ABHD13: variants seen among roughly 807,000 people sequenced by gnomAD.
ABHD13 encodes protein ABHD13.
In ABHD13, 7 loss-of-function variants were observed where a neutral mutation model predicts 25.2. The ratio of observed to expected loss-of-function variants is 0.28; its 90% CI spans 0.16 to 0.52. ABHD13 has a LOEUF of 0.52. ABHD13 is among the 20% of genes least tolerant of loss of function. The pLI is 0.96. For synonymous variants in ABHD13, 133 were observed against 136.1 expected (o/e 0.98, Z 0.16); for missense variants, 302 against 402.7 (o/e 0.75, Z 2.14).
chr13:108,227,553 G>A lies in ABHD13; in HGVS notation c.-20-1646G>A, dbSNP rs76794240. Among the ~76,000 whole-genome samples the A allele has an allele frequency of 1.4e-3, 214 of 152,030 alleles. 7 individuals are homozygous for A. In the East Asian group the frequency reaches 0.037, roughly 26 times the overall value. On this transcript the variant is annotated intron_variant, in intron 1 of 1. Transcript: ENST00000375898. The stretch of plus-strand genomic sequence containing the variant: ...TCAAATTTTAAAATATGCCTTATTC[G>A]TGTATTTGGAGCTATTTTATCTGGT...
chr13:108,223,411 A>G (rs748630555), intron 1 of ABHD13, among the ~76,000 whole-genome samples: 7 of 152,250 alleles, frequency 4.6e-5, no homozygotes, highest in Non-Finnish European at 1.0e-4. Context: ...ACATAGCACA[A>G]AATGCTTTAT....
At chr13:108,222,625 G>T (rs907949927) in intron 1 of ABHD13, among the ~76,000 whole-genome samples, 1 of 151,954 alleles carries the variant, frequency 6.6e-6, no homozygotes, top group African/African-American at 2.4e-5. Context: ...GATATTTATT[G>T]TGTTAGAAAT....
chr13:108,224,237 C>T (rs1421024043), intron 1 of ABHD13, among the ~76,000 whole-genome samples: 1 of 152,186 alleles, frequency 6.6e-6, no homozygotes, highest in Admixed American at 6.5e-5. Context: ...CCATATCTGT[C>T]TCCCGAGTAC....
chr13:108,221,453 G>C (rs1267020676), intron 1 of ABHD13, among the ~76,000 whole-genome samples: 1 of 152,192 alleles, frequency 6.6e-6, no homozygotes, highest in Non-Finnish European at 1.5e-5. Flanking sequence ...GATTCACCCA[G>C]AGTAATTAAT....
intron 1 of ABHD13, among the ~76,000 whole-genome samples, chr13:108,220,740 A>C (rs928651538): frequency 6.6e-6 from 1 of 152,208 alleles, no homozygotes; most frequent in African/African-American, 2.4e-5. Flanking sequence ...CTAGCCTGAG[A>C]ATCTAGATAC....
rs1025869038 is a variant in ABHD13, at chr13:108,218,482, G to C, written c.-198G>C. The C allele has an allele frequency of 7.9e-5, 12 of 152,264 alleles. No individual in the cohort carries two copies. Among genetic ancestry groups the C allele is most frequent in the African/African-American group, 2.9e-4 (12 of 41,452 alleles). The allele number at this position is 152,264 out of a possible 1,614,324, so 9.4% of individuals were successfully genotyped here. A position where few individuals can be genotyped will look rare whatever the true frequency, so the allele number is the denominator to read the frequency against. On this transcript the variant is annotated 5_prime_UTR_variant, in exon 1 of 2. Transcript: ENST00000375898. ...GCATTTGCCGGCGACACCCGAGCGG[G>C]GGCCGGAAGTGGGGCCACAGCTCGC...
At chr13:108,220,512 A>G (rs1054936012) in intron 1 of ABHD13, among the ~76,000 whole-genome samples, 2 of 152,250 alleles carry the variant, frequency 1.3e-5, no homozygotes, top group African/African-American at 4.8e-5. Flanking sequence ...GCCCCAGGAA[A>G]GTCTTAAGAC....
At chr13:108,220,760 G>C (rs1879551346) in intron 1 of ABHD13, among the ~76,000 whole-genome samples, 1 of 152,198 alleles carries the variant, frequency 6.6e-6, no homozygotes. Context: ...CTTCTAGTAA[G>C]GCTTCTAGTT....
At chr13:108,223,680 G>A (rs955564055) in intron 1 of ABHD13, among the ~76,000 whole-genome samples, 3 of 152,190 alleles carry the variant, frequency 2.0e-5, no homozygotes, top group African/African-American at 7.2e-5. Context: ...GTGTCAAACA[G>A]TGAAAAAAGT....
chr13:108,221,351 T>C (rs1223530583), intron 1 of ABHD13, among the ~76,000 whole-genome samples: 1 of 152,228 alleles, frequency 6.6e-6, no homozygotes, highest in Non-Finnish European at 1.5e-5. Flanking sequence ...CATGGTTTCT[T>C]AACTTCCCAA....
In ABHD13 at chr13:108,232,256, G is replaced by A. The variant is rs1202996832; in HGVS notation, c.*2024G>A. 1 of 166,650 alleles carries A rather than the reference G, an allele frequency of 6.0e-6. No homozygotes were observed. The highest frequency in any genetic ancestry group is 1.9e-4 in the East Asian group (1 of 5,182). The allele number at this position is 166,650 out of a possible 1,614,324, so 10.3% of individuals were successfully genotyped here. A position where few individuals can be genotyped will look rare whatever the true frequency, so the allele number is the denominator to read the frequency against. ...GCTGCTTTTTCTTTTTGATACTCCA[G>A]GTTTATAAACTATCTTTTAAAATTT... On this transcript the variant is annotated 3_prime_UTR_variant, in exon 2 of 2. Coordinates refer to ENST00000375898, the MANE Select transcript of ABHD13 (RefSeq NM_032859.3).
At chr13:108,218,829 C>T (rs1879460307) in intron 1 of ABHD13, among the ~76,000 whole-genome samples, 170 bp downstream of exon 1, 2 of 151,860 alleles carry the variant, frequency 1.3e-5, no homozygotes, top group Admixed American at 6.5e-5. Context: ...CGTGCGGGGG[C>T]CGAGCGCCGG....
intron 1 of ABHD13, among the ~76,000 whole-genome samples, 156 bp downstream of exon 1, chr13:108,218,815 G>C (rs1181872967): frequency 6.6e-6 from 1 of 151,176 alleles, no homozygotes; most frequent in Non-Finnish European, 1.5e-5. Flanking sequence ...CTTCCCCTGG[G>C]GGTCGTGCGG....
intron 1 of ABHD13, among the ~76,000 whole-genome samples, chr13:108,227,874 A>G (rs1879707768): frequency 6.6e-6 from 1 of 152,092 alleles, no homozygotes; most frequent in African/African-American, 2.4e-5. Flanking sequence ...TTTCTGGGAA[A>G]TCAGAAAAAT....
chr13:108,225,065 C>G (rs1196059265), intron 1 of ABHD13, among the ~76,000 whole-genome samples: 1 of 151,566 alleles, frequency 6.6e-6, no homozygotes, highest in Admixed American at 6.6e-5. Flanking sequence ...TTTTTTCATT[C>G]AAATACAAGA....
chr13:108,233,153 C>G lies in ABHD13; in HGVS notation c.*2921C>G, dbSNP rs996118738. 6.0e-6 allele frequency: 1 copy of G among 166,764 alleles called. No homozygotes were observed. Among genetic ancestry groups the G allele is most frequent in the Non-Finnish European group, 1.5e-5 (1 of 67,980 alleles). The allele number at this position is 166,764 out of a possible 1,614,324, so 10.3% of individuals were successfully genotyped here. On this transcript the variant is annotated 3_prime_UTR_variant, in exon 2 of 2. Transcript: ENST00000375898. ...TTAAATTTATGATTACCTGTAGACACTTGATATTTACATAGATTACAGCTT... is the reference window on the plus strand; with the variant it reads ...TTAAATTTATGATTACCTGTAGACAGTTGATATTTACATAGATTACAGCTT...
intron 1 of ABHD13, among the ~76,000 whole-genome samples, chr13:108,228,929 C>T (rs1464866189): frequency 6.7e-6 from 1 of 149,904 alleles, no homozygotes; most frequent in Non-Finnish European, 1.5e-5. Flanking sequence ...CGTGAGAACA[C>T]GTATATGAAG....
At chr13:108,222,044 T>C (rs1879580104) in intron 1 of ABHD13, among the ~76,000 whole-genome samples, 1 of 152,098 alleles carries the variant, frequency 6.6e-6, no homozygotes, top group African/African-American at 2.4e-5. Context: ...TTTACCATGT[T>C]GCCCGGACTA....
chr13:108,222,143 TG>T (rs1879582449), intron 1 of ABHD13, among the ~76,000 whole-genome samples: 1 of 152,144 alleles, frequency 6.6e-6, no homozygotes, highest in African/African-American at 2.4e-5. Flanking sequence ...CCTGGCCCAA[TG>T]TACACTTTTT....
Sources: allele counts gnomAD v4.1 joint callset (sites outside exome capture counted in the v4.1 genomes callset), GRCh38; gene constraint gnomAD v4.1.1; transcripts MANE v1.5; gene names NCBI Gene and HGNC (gene_info 2026-07-23, HGNC 2026-07-21).